The following UBE3A variants were observed in gnomAD, a reference collection of about 807,000 sequenced individuals.
UBE3A encodes ubiquitin protein ligase E3A.
UBE3A carries 6 observed loss-of-function variants against 83.4 expected under a neutral mutation model. The observed-to-expected ratio is 0.07, with a 90% CI of 0.04 to 0.14. UBE3A has a LOEUF of 0.14. UBE3A is among the 10% of genes least tolerant of loss of function. The pLI is 1.00. For synonymous variants in UBE3A, 337 were observed against 355.4 expected (o/e 0.95, Z 0.58); for missense variants, 456 against 1,036.1 (o/e 0.44, Z 7.69).
At chr15:25,393,096 C>G (rs1471529516) in intron 4 of UBE3A, among the ~76,000 whole-genome samples, 1 of 151,944 alleles carries the variant, frequency 6.6e-6, no homozygotes, top group African/African-American at 2.4e-5. Flanking sequence ...TTTTCAATAA[C>G]TGAAACCAAA....
At position 25,336,018 on chromosome 15, in the gene UBE3A, A is replaced by C. The variant is rs546764872; in HGVS notation, c.*3119T>G. ...CTACCATGCATTAGTAGCCTTTCACAGTGATATCTACCCCACACCTGCATC... is the reference window on the plus strand; with the variant it reads ...CTACCATGCATTAGTAGCCTTTCACCGTGATATCTACCCCACACCTGCATC... On this transcript the variant is annotated 3_prime_UTR_variant, in exon 13 of 13. Transcript: ENST00000648336. The C allele has an allele frequency of 6.6e-6, 1 of 152,304 alleles. No individual in the cohort carries two copies. The highest frequency in any genetic ancestry group is 2.1e-4 in the South Asian group (1 of 4,826). The allele number at this position is 152,304 out of a possible 1,614,324, so 9.4% of individuals were successfully genotyped here.
chr15:25,419,571 A>G (rs747629774), intron 1 of UBE3A: 1 of 152,144 alleles, frequency 6.6e-6, no homozygotes, highest in Non-Finnish European at 1.5e-5. Flanking sequence ...ATCTACAAAA[A>G]GGAATCTCCA....
intron 1 of UBE3A, among the ~76,000 whole-genome samples, chr15:25,435,122 A>C (rs929112451): frequency 6.6e-6 from 1 of 151,892 alleles, no homozygotes; most frequent in African/African-American, 2.4e-5. Context: ...AGGAGTAAAA[A>C]AGTAAATCTT....
chr15:25,369,049 G>A (rs1313431399), intron 6 of UBE3A, among the ~76,000 whole-genome samples: 1 of 152,020 alleles, frequency 6.6e-6, no homozygotes, highest in Non-Finnish European at 1.5e-5. Flanking sequence ...CTCCAACAAT[G>A]GATAGTCATA....
chr15:25,353,251 T>C (rs2152669517), intron 11 of UBE3A, among the ~76,000 whole-genome samples: 1 of 152,248 alleles, frequency 6.6e-6, no homozygotes, highest in East Asian at 1.9e-4. Flanking sequence ...TGACCAACGG[T>C]GCACCAGAAA....
At chr15:25,366,750 T>C (rs1595742856) in intron 6 of UBE3A, among the ~76,000 whole-genome samples, 1 of 151,996 alleles carries the variant, frequency 6.6e-6, no homozygotes, top group Non-Finnish European at 1.5e-5. Flanking sequence ...TCTTTCTCTC[T>C]ATATATGCAC....
At chr15:25,417,707 C>A (rs1219288595) in intron 1 of UBE3A, among the ~76,000 whole-genome samples, 2 of 151,658 alleles carry the variant, frequency 1.3e-5, no homozygotes, top group African/African-American at 2.4e-5. Context: ...CAAACTGAAG[C>A]ACAGGGAAAT....
rs2080082134 is a variant in UBE3A at position 25,370,192 on chromosome 15, A to G, written c.1608+374T>C. 6.6e-6 allele frequency among the ~76,000 whole-genome samples: 1 copy of G among 152,150 alleles called. No individual in the cohort carries two copies. The highest frequency in any genetic ancestry group is 1.5e-5 in the Non-Finnish European group (1 of 68,024). On this transcript the variant is annotated intron_variant, in intron 6 of 12. Transcript: ENST00000648336. The surrounding 1 kb of genome is among the most constrained non-coding windows in gnomAD (Gnocchi z 4.2). The stretch of plus-strand genomic sequence containing the variant: ...TAATTTTATGGTATGGTTTTACTGT[A>G]CCATTACTCCCAGTTCAAGACTGCA...
intron 1 of UBE3A, among the ~76,000 whole-genome samples, chr15:25,423,503 A>G (rs1458103575): frequency 6.6e-6 from 1 of 152,208 alleles, no homozygotes; most frequent in Non-Finnish European, 1.5e-5. Flanking sequence ...CCGAATTTCC[A>G]AAACAGGCAA....
In UBE3A at chr15:25,378,367, T is replaced by C. The variant is rs145906443; in HGVS notation, c.63-2604A>G. On this transcript the variant is annotated intron_variant, in intron 4 of 12. Transcript: ENST00000648336. Reference sequence around the variant, plus strand: ...CAGCTGTAGGATCCTAGGGAAACAATTGTCTGGGCCTCAGTTTTCCCAGCT... The same window carrying C: ...CAGCTGTAGGATCCTAGGGAAACAACTGTCTGGGCCTCAGTTTTCCCAGCT... 3.0e-3 allele frequency among the ~76,000 whole-genome samples: 457 copies of C among 152,238 alleles called. 1 individual carries two copies. Among genetic ancestry groups the C allele is most frequent in the African/African-American group, 9.3e-3 (385 of 41,540 alleles).
rs192321673 is a variant in UBE3A, at chr15:25,369,587, T to A, written c.1608+979A>T. ...ACTTTACTAGTATACTATAGTATTATTAACTACCTTAATTTTTGTTGACAT... is the reference window on the plus strand; with the variant it reads ...ACTTTACTAGTATACTATAGTATTAATAACTACCTTAATTTTTGTTGACAT... On this transcript the variant is annotated intron_variant, in intron 6 of 12. Transcript: ENST00000648336. 5.9e-3 allele frequency among the ~76,000 whole-genome samples: 896 copies of A among 152,276 alleles called. 5 individuals carry two copies. The highest frequency in any genetic ancestry group is 0.013 in the Admixed American group (197 of 15,292).
At chr15:25,386,108 T>A (rs2083078754) in intron 4 of UBE3A, among the ~76,000 whole-genome samples, 1 of 151,950 alleles carries the variant, frequency 6.6e-6, no homozygotes, top group South Asian at 2.1e-4. Flanking sequence ...TTCAGGCCAT[T>A]ATAGCTATCT....
Position 25,335,262 on chromosome 15 carries a change from T to A in UBE3A, c.*3875A>T, listed in dbSNP as rs539630819. Reference sequence around the variant, plus strand: ...TGGATGAGGTACTTTAAATATCTGGTCATGAAGAGTATTTGAGAAATATGA... The same window carrying A: ...TGGATGAGGTACTTTAAATATCTGGACATGAAGAGTATTTGAGAAATATGA... On this transcript the variant is annotated 3_prime_UTR_variant, in exon 13 of 13. Transcript: ENST00000648336. 6.6e-6 allele frequency: 1 copy of A among 152,124 alleles called. No homozygotes were observed. Among genetic ancestry groups the A allele is most frequent in the African/African-American group, 2.4e-5 (1 of 41,406 alleles). The allele number at this position is 152,124 out of a possible 1,614,324, so 9.4% of individuals were successfully genotyped here.
chr15:25,389,781 G>C (rs762921316), intron 4 of UBE3A, among the ~76,000 whole-genome samples: 1 of 152,050 alleles, frequency 6.6e-6, no homozygotes, highest in East Asian at 1.9e-4. Context: ...CCAGCTACTC[G>C]GGAGGCTGAC....
chr15:25,351,482 T>G (rs2076498302), intron 11 of UBE3A, among the ~76,000 whole-genome samples: 1 of 152,196 alleles, frequency 6.6e-6, no homozygotes, highest in Non-Finnish European at 1.5e-5. Context: ...TGTTTTTCGT[T>G]TTTTTGAGAT....
chr15:25,350,821 C>T (rs1007840395), intron 11 of UBE3A, among the ~76,000 whole-genome samples: 1 of 152,074 alleles, frequency 6.6e-6, no homozygotes, highest in Non-Finnish European at 1.5e-5. Flanking sequence ...AGTACAAGTA[C>T]ATAAGATTCC....
chr15:25,384,434 C>T (rs1227418231), intron 4 of UBE3A, among the ~76,000 whole-genome samples: 1 of 144,948 alleles, frequency 6.9e-6, no homozygotes, highest in Non-Finnish European at 1.5e-5. Flanking sequence ...CTACTCCAGC[C>T]TGGTGACAGA....
intron 4 of UBE3A, among the ~76,000 whole-genome samples, chr15:25,388,781 A>G (rs902422740): frequency 6.6e-6 from 1 of 152,218 alleles, no homozygotes; most frequent in African/African-American, 2.4e-5. Context: ...GCAGGATACA[A>G]GGTTCATATA....
At chr15:25,411,739 T>TG (rs1296877715) in intron 2 of UBE3A, among the ~76,000 whole-genome samples, 169 bp downstream of exon 2, 1 of 152,220 alleles carries the variant, frequency 6.6e-6, no homozygotes, top group Non-Finnish European at 1.5e-5. Context: ...GTAAATTTTT[T>TG]CAGCACCCTA....
Sources: gnomAD v4.1 joint callset for allele counts (sites outside exome capture counted in the v4.1 genomes callset) on GRCh38, gnomAD v4.1.1 for gene constraint, Gnocchi (gnomAD v3.1) non-coding constraint, MANE v1.5 for transcripts, NCBI Gene and HGNC (gene_info 2026-07-23, HGNC 2026-07-21) for gene names.